The following PHKG2 variants were observed in gnomAD, a reference collection of about 807,000 sequenced individuals.
PHKG2 encodes the protein phosphorylase kinase catalytic subunit gamma 2.
A neutral mutation model predicts 44.5 loss-of-function variants in PHKG2; 28 were observed. The observed-to-expected ratio is 0.63, with a 90% CI of 0.47 to 0.86. The LOEUF (loss-of-function observed/expected upper bound fraction) is 0.86, where lower values mean the gene tolerates loss of function less well. Among genes scored for constraint, PHKG2 ranks in the 40% least tolerant of loss-of-function variants. The probability of loss-of-function intolerance (pLI) is 0.00; values close to 1 mark genes in which losing one functional copy is unlikely to be tolerated. For synonymous variants in PHKG2, 220 were observed against 211.2 expected (o/e 1.04, Z -0.36); for missense variants, 498 against 547.5 (o/e 0.91, Z 0.90).
At chr16:30,751,706 C>G in intron 4 of PHKG2, 103 bp downstream of exon 4, 1 of 964,900 alleles carries the variant, frequency 1.0e-6, no homozygotes, top group African/African-American at 1.6e-5. Flanking sequence ...TCACACCTTC[C>G]TGTTCCAGCT....
At position 30,756,527 on chromosome 16, in the gene PHKG2, G is replaced by T; in HGVS notation, c.801+7G>T. 6.2e-7 allele frequency: 1 copy of T among 1,612,738 alleles called. No individual in the cohort carries two copies. The highest frequency in any genetic ancestry group is 8.5e-7 in the Non-Finnish European group (1 of 1,179,992). On this transcript the variant is annotated splice_region_variant and intron_variant, in intron 8 of 9. Coordinates refer to ENST00000563588, the MANE Select transcript of PHKG2 (RefSeq NM_000294.3). ...CAGCACTGTCAAAGACCTGGTGAGC[G>T]GGGGCTGAGAGGACAGTAGGGGAGG...
chr16:30,759,899 A>G lies in PHKG2; in HGVS notation c.*2802A>G. 1.2e-5 allele frequency: 17 copies of G among 1,442,646 alleles called. No individual in the cohort carries two copies. The highest frequency in any genetic ancestry group is 1.5e-5 in the South Asian group (1 of 66,806). The allele number at this position is 1,442,646 out of a possible 1,614,324, so 89.4% of individuals were successfully genotyped here. ...TGAATACCCACTATATGCCCACTGTATGGTTTTCGGCACTGAACAAGACAG... is the reference window on the plus strand; with the variant it reads ...TGAATACCCACTATATGCCCACTGTGTGGTTTTCGGCACTGAACAAGACAG... On this transcript the variant is annotated 3_prime_UTR_variant, in exon 10 of 10. Coordinates refer to ENST00000563588, the MANE Select transcript of PHKG2 (RefSeq NM_000294.3).
chr16:30,753,676 A>C, intron 6 of PHKG2, 119 bp downstream of exon 6: 1 of 974,044 alleles, frequency 1.0e-6, no homozygotes. Flanking sequence ...GTCATTGGGC[A>C]CTTGCCAAGT....
At chr16:30,753,186 C>T (rs1256421853) in intron 4 of PHKG2, 46 bp from the exon 5 acceptor site, 9 of 1,456,546 alleles carry the variant, frequency 6.2e-6, no homozygotes, top group Non-Finnish European at 8.7e-6. Flanking sequence ...TTTTCTCAGC[C>T]CCCACTGTGG....
intron 4 of PHKG2, chr16:30,751,949 C>G (rs111816920): frequency 1.8e-5 from 6 of 325,394 alleles, no homozygotes; most frequent in African/African-American, 4.3e-5. Context: ...AAAAATCAGC[C>G]GGGCGTGGTG....
Position 30,757,483 on chromosome 16 carries a change from GTCTTGC to G in PHKG2, c.*393_*398del. 1 of 1,613,574 alleles carries G rather than the reference GTCTTGC, an allele frequency of 6.2e-7. No homozygotes were observed. The highest frequency in any genetic ancestry group is 8.5e-7 in the Non-Finnish European group (1 of 1,179,638). On this transcript the variant is annotated 3_prime_UTR_variant, in exon 10 of 10. Coordinates refer to ENST00000563588, the MANE Select transcript of PHKG2 (RefSeq NM_000294.3). The stretch of plus-strand genomic sequence containing the variant: ...TGGGGAAAATGTTGGGGGTCACTTG[GTCTTGC>G]TCTTGCCTTTACCCGGAGGTAGCTG...
chr16:30,755,689 AAAG>A (rs1319022971), intron 6 of PHKG2, among the ~76,000 whole-genome samples: 4 of 152,212 alleles, frequency 2.6e-5, no homozygotes, highest in African/African-American at 4.8e-5. Context: ...AAAAAAAAGA[AAAG>A]AAATTCCTTA....
chr16:30,756,497 C>G lies in PHKG2; in HGVS notation c.778C>G (p.Arg260Gly), dbSNP rs148776797. 6.8e-6 allele frequency: 11 copies of G among 1,613,250 alleles called. No homozygotes were observed. The South Asian group carries it at 1.2e-4, about 18-fold the overall frequency. ...YQFSSPEWDDRSSTVKDLISR... is the reference protein window; with the variant it reads ...YQFSSPEWDDGSSTVKDLISR... ...GTTCAGTTCCCCCGAGTGGGATGAC[C>G]GTTCCAGCACTGTCAAAGACCTGGT... is the stretch of plus-strand genomic sequence containing the variant. The change falls in exon 8 of 10, where the codon CGT (arginine) becomes GGT (glycine). Residue 260 changes from arginine to glycine, a missense_variant. Coordinates refer to ENST00000563588, the MANE Select transcript of PHKG2 (RefSeq NM_000294.3).
At chr16:30,756,059 G>A in intron 6 of PHKG2, 123 bp from the exon 7 acceptor site, 1 of 836,132 alleles carries the variant, frequency 1.2e-6, no homozygotes. Context: ...GCAGAAGGCA[G>A]ACAGAAGGAA....
At chr16:30,749,624 G>A (rs544893092) in intron 2 of PHKG2, among the ~76,000 whole-genome samples, 2 of 152,212 alleles carry the variant, frequency 1.3e-5, no homozygotes, top group Admixed American at 6.5e-5. Flanking sequence ...GATTACAGGC[G>A]TGAGCCACCG....
chr16:30,760,800 A>G lies in PHKG2; in HGVS notation c.*3703A>G, dbSNP rs1313413561. On this transcript the variant is annotated 3_prime_UTR_variant, in exon 10 of 10. Coordinates refer to ENST00000563588, the MANE Select transcript of PHKG2 (RefSeq NM_000294.3). ...TCTTTTGCCAGCTTGCTGTGTGACT[A>G]TGCAAATCGTTAACTCTCTGGGCCT... 8.9e-6 allele frequency: 7 copies of G among 784,858 alleles called. No individual in the cohort carries two copies. The highest frequency in any genetic ancestry group is 1.1e-5 in the Non-Finnish European group (5 of 463,024). 48.6% of individuals were successfully genotyped at this position (784,858 alleles called of 1,614,324 possible).
chr16:30,757,044 G>A lies in PHKG2; in HGVS notation c.1168G>A (p.Glu390Lys). Residue 390 changes from glutamate to lysine, a missense_variant, in exon 10 of 10, where the codon GAG (glutamate) becomes AAG (lysine). By Grantham distance (56) the Glu-to-Lys change is moderately conservative. Coordinates refer to ENST00000563588, the MANE Select transcript of PHKG2 (RefSeq NM_000294.3). Reference protein sequence around the residue: ...GPFPIMGPEEEGDSAAITEDE... With the variant: ...GPFPIMGPEEKGDSAAITEDE... ...TTTTCCCATCATGGGCCCTGAAGAG[G>A]AGGGAGACTCTGCTGCTATAACTGA... 1.9e-6 allele frequency: 3 copies of A among 1,612,964 alleles called. No individual in the cohort carries two copies. The highest frequency in any genetic ancestry group is 2.5e-6 in the Non-Finnish European group (3 of 1,180,040).
rs150382749 is a variant in PHKG2 at position 30,760,655 on chromosome 16, C to T, written c.*3558C>T. 124 of 1,551,746 alleles carry T rather than the reference C, an allele frequency of 8.0e-5. 1 individual carries two copies. Among genetic ancestry groups the T allele is most frequent in the East Asian group, 7.8e-4 (32 of 41,196 alleles). ...TTCTCCAGCTGGTGCATGGAATGGA[C>T]GTCCAGGTACTTCCTGTTATAGTAA... On this transcript the variant is annotated 3_prime_UTR_variant, in exon 10 of 10. Coordinates refer to ENST00000563588, the MANE Select transcript of PHKG2 (RefSeq NM_000294.3).
In PHKG2 at chr16:30,748,509, C is replaced by A; in HGVS notation, c.-19+19C>A. The A allele has an allele frequency of 2.1e-6, 1 of 477,696 alleles. No homozygotes were observed. The highest frequency in any genetic ancestry group is 2.4e-5 in the South Asian group (1 of 41,396). 29.6% of individuals were successfully genotyped at this position (477,696 alleles called of 1,614,324 possible). On this transcript the variant is annotated intron_variant, in intron 1 of 9. Coordinates refer to ENST00000563588, the MANE Select transcript of PHKG2 (RefSeq NM_000294.3). ...CCCTCAGGTGAGCCTGCGCTAGACC[C>A]CCGTCCCCTTCCTGCGCCCGCCCGA...
chr16:30,761,066 C>CT lies in PHKG2; in HGVS notation c.*3969_*3970insT. 1 of 1,038,042 alleles carries CT rather than the reference C, an allele frequency of 9.6e-7. No homozygotes were observed. Among genetic ancestry groups the CT allele is most frequent in the Non-Finnish European group, 1.4e-6 (1 of 711,618 alleles). The allele number at this position is 1,038,042 out of a possible 1,614,324, so 64.3% of individuals were successfully genotyped here. A position where few individuals can be genotyped will look rare whatever the true frequency, so the allele number is the denominator to read the frequency against. On this transcript the variant is annotated 3_prime_UTR_variant, in exon 10 of 10. Coordinates refer to ENST00000563588, the MANE Select transcript of PHKG2 (RefSeq NM_000294.3). ...AGAGGCTGGAAAGCCAACTTCCAGT[C>CT]ACCTGGAGTAATTGCATCTCCAGGC...
intron 2 of PHKG2, among the ~76,000 whole-genome samples, chr16:30,749,255 G>T (rs1043871865): frequency 1.7e-5 from 2 of 114,724 alleles, no homozygotes; most frequent in Non-Finnish European, 3.6e-5. Flanking sequence ...GGTGCTGGTG[G>T]TGCTGGTGGT....
chr16:30,753,488 G>A lies in PHKG2; in HGVS notation c.487G>A (p.Asp163Asn). 1 of 1,614,128 alleles carries A rather than the reference G, an allele frequency of 6.2e-7. No individual in the cohort carries two copies. The highest frequency in any genetic ancestry group is 8.5e-7 in the Non-Finnish European group (1 of 1,180,036). The change falls in exon 6 of 10, where the codon GAC becomes AAC. Residue 163 changes from aspartate (D) to asparagine (N), a missense_variant. Asp to Asn is a conservative substitution (Grantham distance 23, BLOSUM62 1). Transcript: ENST00000563588. ...DLKPENILLDDNMQIRLSDFG... is the reference protein window; with the variant it reads ...DLKPENILLDNNMQIRLSDFG... ...GAAGCCCGAGAATATTCTCCTAGAT[G>A]ACAATATGCAGATCCGACTTTCAGA...
At chr16:30,748,581 T>A in intron 1 of PHKG2, 91 bp downstream of exon 1, 4 of 475,374 alleles carry the variant, frequency 8.4e-6, no homozygotes, top group African/African-American at 2.1e-5. Flanking sequence ...CCCTTCCCCC[T>A]GCCTCCTGGG....
In PHKG2 at chr16:30,751,537, C is replaced by G. The variant is rs780663023; in HGVS notation, c.272-12C>G. 1.1e-5 allele frequency: 17 copies of G among 1,612,108 alleles called. No homozygotes were observed. In the Admixed American group the frequency reaches 2.8e-4, roughly 27 times the overall value. On this transcript the variant is annotated splice_polypyrimidine_tract_variant and intron_variant, in intron 3 of 9. Coordinates refer to ENST00000563588, the MANE Select transcript of PHKG2 (RefSeq NM_000294.3). ...CATCTCTGTCTCTCTGCCTCTCTTCCTCTCTCCCTAGTCACCCTCATCGAT... is the reference window on the plus strand; with the variant it reads ...CATCTCTGTCTCTCTGCCTCTCTTCGTCTCTCCCTAGTCACCCTCATCGAT...
Sources: allele counts gnomAD v4.1 joint callset (sites outside exome capture counted in the v4.1 genomes callset), GRCh38; gene constraint gnomAD v4.1.1; transcripts MANE v1.5; gene names NCBI Gene and HGNC (gene_info 2026-07-23, HGNC 2026-07-21).